LRP1B: variants seen among roughly 807,000 people sequenced by gnomAD.
LRP1B encodes the protein LDL receptor related protein 1B.
A neutral mutation model predicts 556.6 loss-of-function variants in LRP1B; 217 were observed. The ratio of observed to expected loss-of-function variants is 0.39; its 90% CI spans 0.35 to 0.44. The LOEUF (loss-of-function observed/expected upper bound fraction) is 0.44, where lower values mean the gene tolerates loss of function less well. LRP1B is among the 20% of genes least tolerant of loss of function. The pLI is 1.00. For synonymous variants in LRP1B, 2,047 were observed against 1,865.8 expected (o/e 1.10, Z -2.50); for missense variants, 5,053 against 5,620.8 (o/e 0.90, Z 3.23).
At position 141,211,493 on chromosome 2, in the gene LRP1B, G is replaced by A. The variant is rs545990483; in HGVS notation, c.850+17690C>T. Among the ~76,000 whole-genome samples, 5 of 151,916 alleles carry A rather than the reference G, an allele frequency of 3.3e-5. No individual in the cohort carries two copies. In the East Asian group the frequency reaches 9.9e-4, roughly 30 times the overall value. ...ATACTAGCCGGCCCTGGTGGTGCGTGCCTGTAATCCCAGCTACTTGGGAGG... is the reference window on the plus strand; with the variant it reads ...ATACTAGCCGGCCCTGGTGGTGCGTACCTGTAATCCCAGCTACTTGGGAGG... On this transcript the variant is annotated intron_variant, in intron 6 of 90. Coordinates refer to ENST00000389484, the MANE Select transcript of LRP1B (RefSeq NM_018557.3).
intron 2 of LRP1B, among the ~76,000 whole-genome samples, chr2:141,612,746 C>T (rs113898244): frequency 3.9e-4 from 59 of 152,278 alleles, no homozygotes; most frequent in African/African-American, 1.3e-3. Context: ...CTTTCGCCTT[C>T]GCATCACTCA....
At chr2:141,411,751 A>T (rs77157329) in intron 3 of LRP1B, among the ~76,000 whole-genome samples, 2,204 of 152,226 alleles carry the variant, frequency 0.014, 57 homozygotes, top group African/African-American at 0.05. Flanking sequence ...TATCAGAGAC[A>T]AGGAAAATAA....
intron 43 of LRP1B, among the ~76,000 whole-genome samples, chr2:140,545,359 CT>C (rs1680291246): frequency 6.6e-6 from 1 of 151,952 alleles, no homozygotes; most frequent in South Asian, 2.1e-4. Context: ...AAATCTTTGC[CT>C]GTTCCTATGT....
chr2:141,179,067 T>C lies in LRP1B; in HGVS notation c.1013+9354A>G, dbSNP rs1680876827. 1.3e-5 allele frequency among the ~76,000 whole-genome samples: 2 copies of C among 152,074 alleles called. 1 individual carries two copies. The highest frequency in any genetic ancestry group is 4.1e-4 in the South Asian group (2 of 4,822). ...GTAGACTGTATAAATTATAATTGTTTTATGCAATTAATAAATTTATATGGA... is the reference window on the plus strand; with the variant it reads ...GTAGACTGTATAAATTATAATTGTTCTATGCAATTAATAAATTTATATGGA... On this transcript the variant is annotated intron_variant, in intron 7 of 90. Transcript: ENST00000389484.
intron 55 of LRP1B, among the ~76,000 whole-genome samples, chr2:140,500,217 T>C (rs1431059605): frequency 6.6e-6 from 1 of 151,954 alleles, no homozygotes; most frequent in East Asian, 1.9e-4. Context: ...TATTTCTTGG[T>C]GTTTCAGTTT....
chr2:140,450,764 G>T, intron 62 of LRP1B, 103 bp from the exon 63 acceptor site: 1 of 706,654 alleles, frequency 1.4e-6, no homozygotes, highest in Non-Finnish European at 2.4e-6. Flanking sequence ...TTTTGCTGCA[G>T]ATGTGAACAA....
rs138200385 is a variant in LRP1B, at chr2:141,545,111, C to T, written c.206-64578G>A. ...ATCAAATAACTTGTCCAGATTCACA[C>T]AGCTAAGAAGAAGCATGTTTGCATT... On this transcript the variant is annotated intron_variant, in intron 2 of 90. Coordinates refer to ENST00000389484, the MANE Select transcript of LRP1B (RefSeq NM_018557.3). 5.1e-4 allele frequency among the ~76,000 whole-genome samples: 78 copies of T among 152,298 alleles called. No individual in the cohort carries two copies. In the East Asian group the frequency reaches 7.3e-3, roughly 14 times the overall value.
chr2:140,966,303 C>T (rs1264849334), intron 18 of LRP1B, among the ~76,000 whole-genome samples: 1 of 152,140 alleles, frequency 6.6e-6, no homozygotes, highest in Non-Finnish European at 1.5e-5. Flanking sequence ...CTCTGATGGC[C>T]AGTGATGAGC....
rs1193797469 is a variant in LRP1B at position 141,467,839 on chromosome 2, C to CG, written c.343+12556dup. On this transcript the variant is annotated intron_variant, in intron 3 of 90. Coordinates refer to ENST00000389484, the MANE Select transcript of LRP1B (RefSeq NM_018557.3). Reference sequence around the variant, plus strand: ...TTTGTTTGTTTGTTTGTTTGCGGACCGGGGGGGGGGGAATTCCAGCATACA... The same window carrying CG: ...TTTGTTTGTTTGTTTGTTTGCGGACCGGGGGGGGGGGGAATTCCAGCATACA... Among the ~76,000 whole-genome samples the CG allele has an allele frequency of 1.2e-3, 70 of 57,182 alleles. 3 individuals are homozygous for CG. Among genetic ancestry groups the CG allele is most frequent in the African/African-American group, 2.8e-3 (64 of 22,846 alleles). The allele number at this position is 57,182 out of a possible 152,430, so 37.5% of individuals were successfully genotyped here.
intron 1 of LRP1B, among the ~76,000 whole-genome samples, chr2:141,909,295 T>C (rs1699840377): frequency 6.6e-6 from 1 of 152,068 alleles, no homozygotes; most frequent in Admixed American, 6.6e-5. Flanking sequence ...AGGTAACTCT[T>C]ATAAGACAAT....
In LRP1B at chr2:140,385,960, A is replaced by G; in HGVS notation, c.10464T>C (p.Cys3488=). ...TATCACACCGCCAGTGATCGGGAAT[A>G]CAGTTGTTGTTTTTACACTGGAATT... The part of the protein sequence containing the change: ...PHEFQCKNNN[C]IPDHWRCDSQ... The change falls in exon 67 of 91, where the codon TGT becomes TGC. Residue 3488 remains cysteine (C), a synonymous_variant. Transcript: ENST00000389484. The G allele has an allele frequency of 6.2e-7, 1 of 1,613,756 alleles. No individual in the cohort carries two copies. The highest frequency in any genetic ancestry group is 8.5e-7 in the Non-Finnish European group (1 of 1,179,752).
chr2:141,500,957 C>A (rs1171055926), intron 2 of LRP1B, among the ~76,000 whole-genome samples: 1 of 151,928 alleles, frequency 6.6e-6, no homozygotes, highest in Non-Finnish European at 1.5e-5. Context: ...ATTGTTTGCC[C>A]TTCTCTTGGT....
At chr2:140,650,756 A>T (rs1684655170) in intron 41 of LRP1B, among the ~76,000 whole-genome samples, 1 of 152,190 alleles carries the variant, frequency 6.6e-6, no homozygotes, top group African/African-American at 2.4e-5. Flanking sequence ...TAAAAATCTC[A>T]GGGGAAGTAC....
chr2:140,517,541 T>C (rs967597445), intron 49 of LRP1B, among the ~76,000 whole-genome samples: 2 of 152,030 alleles, frequency 1.3e-5, no homozygotes, highest in African/African-American at 4.8e-5. Flanking sequence ...TAAGGAAGAA[T>C]AAACGAGTTA....
At chr2:141,538,313 C>T (rs1230718520) in intron 2 of LRP1B, among the ~76,000 whole-genome samples, 2 of 152,080 alleles carry the variant, frequency 1.3e-5, no homozygotes, top group Non-Finnish European at 2.9e-5. Flanking sequence ...TTTATTATTA[C>T]TATGTGAGCT....
At chr2:141,945,812 C>T (rs1700938114) in intron 1 of LRP1B, among the ~76,000 whole-genome samples, 2 of 152,052 alleles carry the variant, frequency 1.3e-5, no homozygotes, top group Admixed American at 1.3e-4. Flanking sequence ...AGAGTTGAGC[C>T]ATACACCATA....
At chr2:140,851,557 T>A (rs62173628) in intron 28 of LRP1B, 95 bp downstream of exon 28, 1 of 1,415,878 alleles carries the variant, frequency 7.1e-7, no homozygotes, top group African/African-American at 1.5e-5. Context: ...AAAAAAAACT[T>A]CCTCTGCTTT....
intron 21 of LRP1B, among the ~76,000 whole-genome samples, chr2:140,912,669 G>T (rs1694455635): frequency 6.6e-6 from 1 of 151,572 alleles, no homozygotes; most frequent in African/African-American, 2.4e-5. Context: ...ACTCTATTTT[G>T]GTAACTGTGG....
chr2:140,294,441 A>G (rs185481000), intron 84 of LRP1B, among the ~76,000 whole-genome samples: 228 of 152,318 alleles, frequency 1.5e-3, no homozygotes, highest in African/African-American at 5.4e-3. Context: ...GTAGTCTCAA[A>G]AAGATCCCAG....
Sources: gnomAD v4.1 joint callset for allele counts (sites outside exome capture counted in the v4.1 genomes callset) on GRCh38, gnomAD v4.1.1 for gene constraint, MANE v1.5 for transcripts, NCBI Gene and HGNC (gene_info 2026-07-23, HGNC 2026-07-21) for gene names.